The following DMD variants were observed in gnomAD, a reference collection of about 807,000 sequenced individuals.
DMD encodes dystrophin.
Under a neutral mutation model 330.1 loss-of-function variants are expected in DMD, and 63 were observed. The ratio of observed to expected loss-of-function variants is 0.19; its 90% CI spans 0.16 to 0.24. DMD has a LOEUF of 0.24. DMD is among the 10% of genes least tolerant of loss of function. The pLI is 1.00. For synonymous variants in DMD, 1,223 were observed against 959.8 expected (o/e 1.27, Z -5.07); for missense variants, 3,344 against 2,684.1 (o/e 1.25, Z -5.43).
intron 49 of DMD, among the ~76,000 whole-genome samples, chrX:31,828,589 G>A (rs1278159199): frequency 9.4e-6 from 1 of 106,233 alleles, no homozygotes; most frequent in Non-Finnish European, 1.9e-5. Context: ...ACTTGAAACT[G>A]GAAGGTGGAG....
intron 1 of DMD, among the ~76,000 whole-genome samples, chrX:33,127,412 T>G (rs763264526): frequency 1.8e-5 from 2 of 111,200 alleles, no homozygotes; most frequent in East Asian, 5.6e-4. Context: ...CATTTAATAA[T>G]AAGTGTTTAA....
chrX:32,891,449 CTAAAT>C (rs1445481813), intron 2 of DMD, among the ~76,000 whole-genome samples: 2 of 112,278 alleles, frequency 1.8e-5, no homozygotes, highest in Non-Finnish European at 3.8e-5. Context: ...TAAAAGTGAT[CTAAAT>C]TAAATTTTCT....
intron 7 of DMD, among the ~76,000 whole-genome samples, chrX:32,801,020 T>C: frequency 9.0e-6 from 1 of 111,714 alleles, no homozygotes. Context: ...CAGAATAATT[T>C]ATAATCCTTT....
intron 13 of DMD, among the ~76,000 whole-genome samples, chrX:32,583,072 T>A (rs1416320105): frequency 1.8e-5 from 2 of 112,341 alleles, no homozygotes; most frequent in Non-Finnish European, 3.8e-5. Context: ...TTAAATTCTC[T>A]CCTGTCTTTC....
intron 55 of DMD, among the ~76,000 whole-genome samples, chrX:31,591,763 T>C (rs1335383900): frequency 9.0e-6 from 1 of 111,583 alleles, no homozygotes; most frequent in Non-Finnish European, 1.9e-5. Flanking sequence ...TAAAAGACAG[T>C]AAAATAGGCT....
At chrX:33,239,961 C>T (rs987305276) in intron 1 of DMD, among the ~76,000 whole-genome samples, 1 of 109,949 alleles carries the variant, frequency 9.1e-6, no homozygotes, top group African/African-American at 3.3e-5. Flanking sequence ...CTCAAAGTTA[C>T]GTGTATAAAG....
intron 18 of DMD, among the ~76,000 whole-genome samples, chrX:32,515,818 A>T (rs181681394): frequency 8.9e-6 from 1 of 111,906 alleles, no homozygotes; most frequent in African/African-American, 3.2e-5. Context: ...CTCCCAGATA[A>T]TGTCAATATT....
intron 60 of DMD, among the ~76,000 whole-genome samples, chrX:31,362,546 A>G (rs1401620372): frequency 8.9e-6 from 1 of 112,990 alleles, no homozygotes; most frequent in Non-Finnish European, 1.9e-5. Flanking sequence ...TAAAAAATCC[A>G]AAACACTTCT....
chrX:32,083,026 T>G (rs1267058058), intron 44 of DMD, among the ~76,000 whole-genome samples: 1 of 112,098 alleles, frequency 8.9e-6, no homozygotes, highest in East Asian at 2.8e-4. Flanking sequence ...ATCTAATAAT[T>G]TTTAAGCACC....
At chrX:32,452,317 GAAAGTGAAAGTGAAAGT>G (rs1569563096) in intron 26 of DMD, among the ~76,000 whole-genome samples, 5 of 15,529 alleles carry the variant, frequency 3.2e-4, no homozygotes, top group African/African-American at 1.5e-3. Flanking sequence ...AAGTGAAAGT[GAAAGTGAAAGTGAAAGT>G]GAAAGGGAAA....
intron 52 of DMD, among the ~76,000 whole-genome samples, chrX:31,697,388 G>C (rs1014174903): frequency 9.0e-6 from 1 of 110,829 alleles, no homozygotes; most frequent in Non-Finnish European, 1.9e-5. Context: ...ACAAAGGTCC[G>C]TCATGGAAAG....
At chrX:32,510,887 G>C (rs2045226279) in intron 18 of DMD, among the ~76,000 whole-genome samples, 1 of 110,905 alleles carries the variant, frequency 9.0e-6, no homozygotes, top group Non-Finnish European at 1.9e-5. Context: ...AGAAAAGAAA[G>C]AGTACCATAT....
intron 62 of DMD, among the ~76,000 whole-genome samples, chrX:31,266,390 C>A (rs1233262548): frequency 1.8e-5 from 2 of 111,848 alleles, no homozygotes; most frequent in East Asian, 5.6e-4. Flanking sequence ...GAAGGTAGCG[C>A]CGCGTGCGCC....
intron 60 of DMD, among the ~76,000 whole-genome samples, chrX:31,362,346 C>A (rs1416148114): frequency 2.7e-5 from 3 of 112,001 alleles, no homozygotes; most frequent in African/African-American, 9.7e-5. Context: ...TCACACCTGA[C>A]CTCATGTGAC....
At chrX:31,247,007 C>T (rs1312998677) in intron 63 of DMD, among the ~76,000 whole-genome samples, 1 of 111,304 alleles carries the variant, frequency 9.0e-6, no homozygotes, top group Non-Finnish European at 1.9e-5. Flanking sequence ...TGGATGACAG[C>T]GTATCTGTTT....
At chrX:32,863,787 G>C (rs1057136641) in intron 2 of DMD, among the ~76,000 whole-genome samples, 1 of 111,463 alleles carries the variant, frequency 9.0e-6, no homozygotes, top group Non-Finnish European at 1.9e-5. Context: ...ATTACCCTAC[G>C]GTGCAGTTGT....
At chrX:31,733,444 T>C (rs2086651810) in intron 51 of DMD, among the ~76,000 whole-genome samples, 2 of 111,703 alleles carry the variant, frequency 1.8e-5, no homozygotes, top group Admixed American at 1.9e-4. Context: ...TATTTTTCTA[T>C]AAAAATCAAC....
intron 52 of DMD, among the ~76,000 whole-genome samples, chrX:31,697,214 C>T (rs2083498457): frequency 9.0e-6 from 1 of 111,387 alleles, no homozygotes; most frequent in Non-Finnish European, 1.9e-5. Flanking sequence ...CATATTATGG[C>T]AATGTATTTG....
chrX:32,516,641 C>A (rs762836887), intron 18 of DMD: 1 of 111,250 alleles, frequency 9.0e-6, no homozygotes, highest in South Asian at 3.7e-4. Context: ...TAATAAAATG[C>A]TAAAGGTGAT....
Sources: gnomAD v4.1 joint callset for allele counts (sites outside exome capture counted in the v4.1 genomes callset) on GRCh38, gnomAD v4.1.1 for gene constraint, MANE v1.5 for transcripts, NCBI Gene and HGNC (gene_info 2026-07-23, HGNC 2026-07-21) for gene names.